PRDM9: variants seen among roughly 807,000 people sequenced by gnomAD.
The protein encoded by PRDM9 is PR/SET domain 9, also known as histone-lysine N-methyltransferase PRDM9.
In PRDM9, 47 loss-of-function variants were observed where a neutral mutation model predicts 55.6. The ratio of observed to expected loss-of-function variants is 0.85; its 90% CI spans 0.67 to 1.08. PRDM9 has a LOEUF of 1.08. Among genes scored for constraint, PRDM9 ranks in the 50% least tolerant of loss-of-function variants. The pLI is 0.00. For synonymous variants in PRDM9, 312 were observed against 375.7 expected (o/e 0.83, Z 1.96); for missense variants, 867 against 1,040.3 (o/e 0.83, Z 2.29).
chr5:23,523,243 T>C, intron 8 of PRDM9, 48 bp from the exon 9 acceptor site: 1 of 1,579,380 alleles, frequency 6.3e-7, no homozygotes, highest in African/African-American at 1.3e-5. Context: ...ATAATTCTTC[T>C]GATTTTTACC....
chr5:23,510,451 C>T lies in PRDM9; in HGVS notation c.301+424C>T, dbSNP rs1161273470. Among the ~76,000 whole-genome samples, 4 of 151,684 alleles carry T rather than the reference C, an allele frequency of 2.6e-5. No homozygotes were observed. The South Asian group carries it at 6.3e-4, about 24-fold the overall frequency. On this transcript the variant is annotated intron_variant, in intron 4 of 10. Transcript: ENST00000296682. The stretch of plus-strand genomic sequence containing the variant: ...TTGGCTCACTGCAGCCTCTGCCTTC[C>T]GGGTTAAACAATTCTCCCACCTCAG...
At chr5:23,514,472 C>T (rs1455043626) in intron 4 of PRDM9, among the ~76,000 whole-genome samples, 3 of 151,246 alleles carry the variant, frequency 2.0e-5, no homozygotes, top group Non-Finnish European at 4.4e-5. Flanking sequence ...TTTTTTTAGA[C>T]AGCCTCACTC....
intron 9 of PRDM9, among the ~76,000 whole-genome samples, chr5:23,524,130 G>A (rs1412508494): frequency 6.6e-6 from 1 of 152,136 alleles, no homozygotes; most frequent in Non-Finnish European, 1.5e-5. Context: ...ATTCTAGGCA[G>A]GATGAACACT....
intron 4 of PRDM9, among the ~76,000 whole-genome samples, chr5:23,516,671 C>T (rs942976974): frequency 6.6e-5 from 10 of 151,016 alleles, no homozygotes; most frequent in Non-Finnish European, 1.2e-4. Flanking sequence ...CATGCTCGGC[C>T]CGAATTCATG....
intron 4 of PRDM9, among the ~76,000 whole-genome samples, chr5:23,513,920 A>G (rs1041940463): frequency 1.3e-5 from 2 of 152,064 alleles, no homozygotes; most frequent in African/African-American, 4.8e-5. Context: ...ACACACATAA[A>G]TTACCCACTC....
At chr5:23,509,414 A>C (rs1040792415) in intron 2 of PRDM9, 56 bp from the exon 3 acceptor site, 2 of 1,613,412 alleles carry the variant, frequency 1.2e-6, no homozygotes, top group African/African-American at 2.7e-5. Flanking sequence ...GTAGAGGAAA[A>C]GGACCAGCTT....
chr5:23,524,586 T>G, intron 10 of PRDM9, 59 bp downstream of exon 10: 1 of 1,610,042 alleles, frequency 6.2e-7, no homozygotes, highest in African/African-American at 1.3e-5. Context: ...CCTAGAGAAT[T>G]TTCATGGTTT....
In PRDM9 at chr5:23,523,331, A is replaced by G. The variant is rs1360961405; in HGVS notation, c.923A>G (p.Lys308Arg). ...GRNCYEYVDG[K>R]DKSWANWMRY... ...AACTGCTATGAGTATGTGGATGGAA[A>G]AGATAAATCCTGGGCCAACTGGATG... is the stretch of plus-strand genomic sequence containing the variant. Residue 308 changes from lysine (K) to arginine (R), a missense_variant, in exon 9 of 11, where the codon AAA becomes AGA. Around this residue, in one of 5 missense-constraint regions of PRDM9, gnomAD observed 662 missense variants for 711.9 expected, o/e 0.93. Transcript: ENST00000296682. 6.2e-7 allele frequency: 1 copy of G among 1,614,062 alleles called. No homozygotes were observed. Among genetic ancestry groups the G allele is most frequent in the East Asian group, 2.2e-5 (1 of 44,870 alleles).
Position 23,524,215 on chromosome 5 carries a change from T to C in PRDM9, c.951-119T>C, listed in dbSNP as rs1014310104. On this transcript the variant is annotated intron_variant, in intron 9 of 10. Transcript: ENST00000296682. Reference sequence around the variant, plus strand: ...GAGCAGAAGGTTCCCGGAGGAGTGGTGGGGGAGTGGTCAGCACTAGACCAT... The same window carrying C: ...GAGCAGAAGGTTCCCGGAGGAGTGGCGGGGGAGTGGTCAGCACTAGACCAT... 17 of 1,308,172 alleles carry C rather than the reference T, an allele frequency of 1.3e-5. No individual in the cohort carries two copies. The African/African-American group carries it at 2.2e-4, about 17-fold the overall frequency. The allele number at this position is 1,308,172 out of a possible 1,614,324, so 81.0% of individuals were successfully genotyped here.
At chr5:23,522,506 G>T (rs531321851) in intron 7 of PRDM9, 101 bp downstream of exon 7, 1 of 1,585,618 alleles carries the variant, frequency 6.3e-7, no homozygotes, top group Non-Finnish European at 8.7e-7. Context: ...TAATGAATTA[G>T]AGTACAGGAT....
intron 3 of PRDM9, 114 bp downstream of exon 3, chr5:23,509,707 T>C: frequency 1.3e-6 from 2 of 1,572,430 alleles, no homozygotes; most frequent in Middle Eastern, 1.7e-4. Context: ...CTTTTTCATG[T>C]AGACAAATCT....
At chr5:23,515,314 T>C (rs1739190281) in intron 4 of PRDM9, among the ~76,000 whole-genome samples, 1 of 152,192 alleles carries the variant, frequency 6.6e-6, no homozygotes, top group Admixed American at 6.5e-5. Flanking sequence ...CTCACTATGT[T>C]GCTCTGGCTG....
At chr5:23,525,251 A>G (rs1739408774) in intron 10 of PRDM9, among the ~76,000 whole-genome samples, 1 of 152,198 alleles carries the variant, frequency 6.6e-6, no homozygotes, top group Admixed American at 6.5e-5. Context: ...GGCCAGAAAG[A>G]ATTCAGCTTT....
intron 1 of PRDM9, among the ~76,000 whole-genome samples, chr5:23,508,308 C>A (rs192310471): frequency 3.9e-5 from 6 of 152,094 alleles, no homozygotes; most frequent in East Asian, 3.9e-4. Flanking sequence ...CCTGAAAAAA[C>A]CACAGATACT....
At position 23,526,306 on chromosome 5, in the gene PRDM9, T is replaced by G. The variant is rs1239944885; in HGVS notation, c.1218T>G (p.His406Gln). ...AFSSQKFLSQ[H>Q]VERNHSSQNF... ...CAAGTCAGAAATTTCTCAGTCAACATGTAGAACGCAATCACTCCTCTCAGA... is the reference window on the plus strand; with the variant it reads ...CAAGTCAGAAATTTCTCAGTCAACAGGTAGAACGCAATCACTCCTCTCAGA... Residue 406 changes from histidine (H) to glutamine (Q), a missense_variant, in exon 11 of 11, where the codon CAT becomes CAG. His to Gln is a conservative substitution (Grantham distance 24). Coordinates refer to ENST00000296682, the MANE Select transcript of PRDM9 (RefSeq NM_020227.4). The G allele has an allele frequency of 5.0e-6, 8 of 1,614,026 alleles. No homozygotes were observed. Among genetic ancestry groups the G allele is most frequent in the Middle Eastern group, 3.3e-4 (2 of 6,084 alleles).
chr5:23,509,970 A>G lies in PRDM9; in HGVS notation c.244A>G (p.Lys82Glu). 6.2e-7 allele frequency: 1 copy of G among 1,614,002 alleles called. No homozygotes were observed. Among genetic ancestry groups the G allele is most frequent in the Non-Finnish European group, 8.5e-7 (1 of 1,180,010 alleles). The change falls in exon 4 of 11, where the codon AAA (lysine) becomes GAA (glutamate). Residue 82 changes from lysine to glutamate, a missense_variant. Coordinates refer to ENST00000296682, the MANE Select transcript of PRDM9 (RefSeq NM_020227.4). Reference protein sequence around the residue: ...AFMCHRRQAIKLQVDDTEDSD... With the variant: ...AFMCHRRQAIELQVDDTEDSD... The stretch of plus-strand genomic sequence containing the variant: ...CATGTGTCACCGAAGGCAGGCCATC[A>G]AACTCCAGGTGGATGACACAGAAGA...
chr5:23,515,250 C>T (rs1323687211), intron 4 of PRDM9, among the ~76,000 whole-genome samples: 1 of 152,162 alleles, frequency 6.6e-6, no homozygotes, highest in African/African-American at 2.4e-5. Flanking sequence ...CAGGCATGAG[C>T]CACAGCGCCT....
At chr5:23,510,985 A>G (rs1739083778) in intron 4 of PRDM9, among the ~76,000 whole-genome samples, 1 of 150,524 alleles carries the variant, frequency 6.6e-6, no homozygotes, top group Non-Finnish European at 1.5e-5. Flanking sequence ...GTCTCCACTA[A>G]AAATTAAAAA....
At chr5:23,524,295 A>T (rs1461866428) in intron 9 of PRDM9, 39 bp from the exon 10 acceptor site, 1 of 1,604,834 alleles carries the variant, frequency 6.2e-7, no homozygotes, top group African/African-American at 1.3e-5. Flanking sequence ...CTGGGAACTC[A>T]CTGCCTCTTT....
Sources: allele counts gnomAD v4.1 joint callset (sites outside exome capture counted in the v4.1 genomes callset), GRCh38; gene constraint gnomAD v4.1.1; regional missense constraint gnomAD v4.1.1; transcripts MANE v1.5; gene names NCBI Gene and HGNC (gene_info 2026-07-23, HGNC 2026-07-21).